The following AGT variants were observed in gnomAD, a reference collection of about 807,000 sequenced individuals.
The protein encoded by AGT is alpha-1 antiproteinase, antitrypsin.
In AGT, 26 loss-of-function variants were observed where a neutral mutation model predicts 28.1. The ratio of observed to expected loss-of-function variants is 0.92; its 90% CI spans 0.68 to 1.28. The LOEUF is 1.28. AGT is among the 50% of genes most tolerant of loss of function. The pLI is 0.00. For missense variants in AGT, 596 were observed against 592.3 expected (o/e 1.01, Z -0.06); for synonymous variants, 259 against 259.6 (o/e 1.00, Z 0.02).
intron 2 of AGT, 41 bp downstream of exon 2, chr1:230,709,954 C>A: frequency 1.9e-6 from 3 of 1,613,706 alleles, no homozygotes; most frequent in Non-Finnish European, 2.5e-6. Context: ...ACATTGGATA[C>A]TAAGTCCTAG....
At chr1:230,730,895 T>A (rs189515953) in intron 1 of AGT, among the ~76,000 whole-genome samples, 1 of 152,232 alleles carries the variant, frequency 6.6e-6, no homozygotes, top group Non-Finnish European at 1.5e-5. Context: ...GCATCCTACA[T>A]GCCCCTTTTG....
intron 1 of AGT, among the ~76,000 whole-genome samples, chr1:230,721,473 G>C: frequency 6.6e-6 from 1 of 152,224 alleles, no homozygotes; most frequent in East Asian, 1.9e-4. Context: ...GTACTGCAGA[G>C]AGTGGGACAC....
In AGT at chr1:230,706,040, G is replaced by T; in HGVS notation, c.990C>A (p.Ser330Arg). The part of the protein sequence containing the change: ...FSVTQVPFTE[S>R]ACLLLIQPHY... Reference sequence around the variant, plus strand: ...GAGGCTGGATCAGCAGCAGGCAGGCGCTCTCAGTGAAGGGCACTTGAGTCA... The same window carrying T: ...GAGGCTGGATCAGCAGCAGGCAGGCTCTCTCAGTGAAGGGCACTTGAGTCA... The change falls in exon 3 of 5, where the codon AGC becomes AGA. Residue 330 changes from serine to arginine, a missense_variant. Physicochemically the swap from Ser to Arg is moderately radical, Grantham distance 110. Coordinates refer to ENST00000366667, the MANE Select transcript of AGT (RefSeq NM_001384479.1). 1 of 1,614,144 alleles carries T rather than the reference G, an allele frequency of 6.2e-7. No individual in the cohort carries two copies. The highest frequency in any genetic ancestry group is 1.7e-5 in the Admixed American group (1 of 60,028).
rs188269275 is a variant in AGT at position 230,708,686 on chromosome 1, T to C, written c.829+1309A>G. Among the ~76,000 whole-genome samples, 333 of 152,290 alleles carry C rather than the reference T, an allele frequency of 2.2e-3. 1 individual carries two copies. Among genetic ancestry groups the C allele is most frequent in the African/African-American group, 7.6e-3 (317 of 41,562 alleles). On this transcript the variant is annotated intron_variant, in intron 2 of 4. Transcript: ENST00000366667. ...CTTGACAGAGCCTCCTCAGTGTCTC[T>C]TAGACACACCCCTCAGCCCCACCCC...
In AGT at chr1:230,738,142, T is replaced by C. The variant is rs111962184; in HGVS notation, c.-31+7373A>G. On this transcript the variant is annotated intron_variant, in intron 1 of 4. Coordinates refer to the AGT transcript ENST00000681269. ...GCTTGCACCTTCTGGCTGTTATGAA[T>C]AAGGCTGTTGTAAGCATTCATGAAT... 1.6e-3 allele frequency among the ~76,000 whole-genome samples: 247 copies of C among 152,366 alleles called. 3 individuals carry two copies. The highest frequency in any genetic ancestry group is 5.8e-3 in the African/African-American group (241 of 41,596).
chr1:230,737,604 G>A (rs866857713), intron 1 of AGT, among the ~76,000 whole-genome samples: 13 of 152,094 alleles, frequency 8.5e-5, no homozygotes, highest in Admixed American at 2.0e-4. Flanking sequence ...GAGCCACTGC[G>A]CCCAGCCTGT....
intron 1 of AGT, among the ~76,000 whole-genome samples, chr1:230,723,744 T>C (rs1558292419): frequency 6.6e-6 from 1 of 152,168 alleles, no homozygotes; most frequent in African/African-American, 2.4e-5. Flanking sequence ...ATAGGAAAAA[T>C]GGTTATCTTC....
rs180861665 is a variant in AGT at position 230,705,324 on chromosome 1, C to T, written c.1097+609G>A. The stretch of plus-strand genomic sequence containing the variant: ...CAGAGTTGATGTCAAGCCATCGTGT[C>T]ACTCAATGCCTGCCTCTGGGAGCAG... On this transcript the variant is annotated intron_variant, in intron 3 of 4. Transcript: ENST00000366667. Among the ~76,000 whole-genome samples the T allele has an allele frequency of 3.9e-5, 6 of 152,342 alleles. 1 individual carries two copies. Among genetic ancestry groups the T allele is most frequent in the Non-Finnish European group, 5.9e-5 (4 of 68,034 alleles).
chr1:230,720,587 G>T (rs1419631080), intron 1 of AGT, among the ~76,000 whole-genome samples: 1 of 152,180 alleles, frequency 6.6e-6, no homozygotes, highest in African/African-American at 2.4e-5. Flanking sequence ...TAAATCCTTG[G>T]ACCAGATTGA....
chr1:230,732,280 C>T (rs1364202912), intron 1 of AGT, among the ~76,000 whole-genome samples: 1 of 152,142 alleles, frequency 6.6e-6, no homozygotes, highest in East Asian at 1.9e-4. Flanking sequence ...GAATGATACG[C>T]ATGAGCCACC....
chr1:230,744,229 C>G (rs547275298), intron 1 of AGT, among the ~76,000 whole-genome samples: 1 of 152,310 alleles, frequency 6.6e-6, no homozygotes, highest in South Asian at 2.1e-4. Context: ...GTTTCTGTAA[C>G]TATTGTTCAT....
At chr1:230,737,088 C>T (rs1664169204) in intron 1 of AGT, among the ~76,000 whole-genome samples, 1 of 152,294 alleles carries the variant, frequency 6.6e-6, no homozygotes, top group East Asian at 1.9e-4. Flanking sequence ...ATTTCTGCTC[C>T]TGCTCCCCAA....
At chr1:230,726,567 C>T (rs1484637029) in intron 1 of AGT, among the ~76,000 whole-genome samples, 1 of 152,064 alleles carries the variant, frequency 6.6e-6, no homozygotes, top group Non-Finnish European at 1.5e-5. Context: ...CTCTATTTGG[C>T]TTGCATTTAC....
At position 230,728,070 on chromosome 1, in the gene AGT, G is replaced by A. The variant is rs572828920; in HGVS notation, c.-30-17217C>T. Among the ~76,000 whole-genome samples the A allele has an allele frequency of 1.1e-4, 16 of 152,310 alleles. No individual in the cohort carries two copies. In the South Asian group the frequency reaches 3.3e-3, roughly 32 times the overall value. On this transcript the variant is annotated intron_variant, in intron 1 of 4. Transcript: ENST00000681269. ...CTGATTGGTTGGAGATGCAATCATA[G>A]GGGTGTGGAAAAAATGGTCCTCATA...
intron 1 of AGT, among the ~76,000 whole-genome samples, chr1:230,737,862 C>T (rs982828784): frequency 1.3e-5 from 2 of 152,140 alleles, no homozygotes; most frequent in Non-Finnish European, 2.9e-5. Flanking sequence ...AAAAAGAAAG[C>T]CTTTAGCCAT....
At chr1:230,717,782 C>T (rs1406933686), upstream of AGT, among the ~76,000 whole-genome samples, 3 of 152,220 alleles carry the variant, frequency 2.0e-5, no homozygotes, top group Admixed American at 6.5e-5. Context: ...GGGCTGGAAC[C>T]GGGCATTTGG....
chr1:230,742,918 C>T (rs1040062268), intron 1 of AGT, among the ~76,000 whole-genome samples: 11 of 152,220 alleles, frequency 7.2e-5, no homozygotes, highest in African/African-American at 2.7e-4. Context: ...GCATTGGTAG[C>T]TCTGAGAGGT....
chr1:230,709,176 G>C (rs943529181), intron 2 of AGT, among the ~76,000 whole-genome samples: 2 of 152,218 alleles, frequency 1.3e-5, no homozygotes, highest in Admixed American at 1.3e-4. Flanking sequence ...AAGCCTGGAG[G>C]CAGGGCCTAT....
intron 2 of AGT, among the ~76,000 whole-genome samples, chr1:230,707,523 G>A (rs1160424945): frequency 3.3e-5 from 5 of 152,150 alleles, no homozygotes; most frequent in Admixed American, 1.3e-4. Flanking sequence ...CCCTGGGTCC[G>A]GGTCTCGTAA....
Sources: gnomAD v4.1 joint callset for allele counts (sites outside exome capture counted in the v4.1 genomes callset) on GRCh38, gnomAD v4.1.1 for gene constraint, MANE v1.5 for transcripts, NCBI Gene and HGNC (gene_info 2026-07-23, HGNC 2026-07-21) for gene names.